The following DACH2 variants were observed in gnomAD, a reference collection of about 807,000 sequenced individuals.
DACH2 encodes the protein dachshund family transcription factor 2.
Under a neutral mutation model 35.8 loss-of-function variants are expected in DACH2, and 17 were observed. The ratio of observed to expected loss-of-function variants is 0.48; its 90% CI spans 0.33 to 0.71. The LOEUF (loss-of-function observed/expected upper bound fraction) is 0.71. Ranked by LOEUF, DACH2 falls within the 30% of genes least tolerant of loss-of-function variation. The pLI is 0.02. For missense variants in DACH2, 469 were observed against 472.7 expected (o/e 0.99, Z 0.07); for synonymous variants, 195 against 177.3 (o/e 1.10, Z -0.79).
chrX:86,651,015 A>G, intron 3 of DACH2, 21 bp from the exon 4 acceptor site: 2 of 1,155,746 alleles, frequency 1.7e-6, no homozygotes, highest in Non-Finnish European at 2.3e-6. Flanking sequence ...AATAAATGGA[A>G]TGGAATAATT....
chrX:86,346,015 G>A (rs181363426), intron 1 of DACH2, among the ~76,000 whole-genome samples: 127 of 112,037 alleles, frequency 1.1e-3, no homozygotes, highest in African/African-American at 4.0e-3. Flanking sequence ...AAGGTAAATT[G>A]GGCTGATGAA....
At chrX:86,622,648 A>C (rs777351773) in intron 3 of DACH2, among the ~76,000 whole-genome samples, 1 of 111,859 alleles carries the variant, frequency 8.9e-6, no homozygotes, top group South Asian at 3.7e-4. Flanking sequence ...TTGATAACAG[A>C]TAGTTGCTCA....
intron 3 of DACH2, among the ~76,000 whole-genome samples, chrX:86,640,951 C>G (rs1259686194): frequency 8.9e-6 from 1 of 112,234 alleles, no homozygotes; most frequent in East Asian, 2.8e-4. Flanking sequence ...AGTCTATTGA[C>G]TGTATTCAAT....
chrX:86,570,566 C>A (rs1010772735), intron 3 of DACH2, among the ~76,000 whole-genome samples: 1 of 110,247 alleles, frequency 9.1e-6, no homozygotes, highest in Non-Finnish European at 1.9e-5. Context: ...GGGAGAGGAA[C>A]AACACACACT....
intron 4 of DACH2, among the ~76,000 whole-genome samples, chrX:86,682,776 G>C (rs1299300389): frequency 9.0e-6 from 1 of 110,877 alleles, no homozygotes; most frequent in African/African-American, 3.3e-5. Context: ...ATCTATACTT[G>C]CTATGTATTG....
chrX:86,652,413 CGT>C (rs1371089760), intron 4 of DACH2, among the ~76,000 whole-genome samples: 1 of 112,114 alleles, frequency 8.9e-6, no homozygotes, highest in Non-Finnish European at 1.9e-5. Flanking sequence ...AACATATGTG[CGT>C]GTGTGTCTTC....
chrX:86,671,092 A>G (rs1266829153), intron 4 of DACH2, among the ~76,000 whole-genome samples: 1 of 112,141 alleles, frequency 8.9e-6, no homozygotes, highest in Non-Finnish European at 1.9e-5. Context: ...ATCACATTTG[A>G]GTGACAAAAA....
At chrX:86,780,068 G>A (rs771992058) in intron 7 of DACH2, among the ~76,000 whole-genome samples, 1 of 109,198 alleles carries the variant, frequency 9.2e-6, no homozygotes, top group African/African-American at 3.3e-5. Context: ...AAGTGATTAA[G>A]CTGAGCCCTC....
At chrX:86,341,759 G>T (rs73631924) in intron 1 of DACH2, among the ~76,000 whole-genome samples, 5,789 of 112,013 alleles carry the variant, frequency 0.052, 376 homozygotes, top group African/African-American at 0.18. Context: ...ACATCAACAG[G>T]AGTTTGGAAA....
chrX:86,596,199 A>G (rs2039709545), intron 3 of DACH2, among the ~76,000 whole-genome samples: 1 of 111,682 alleles, frequency 9.0e-6, no homozygotes, highest in Admixed American at 9.6e-5. Flanking sequence ...TTTTTGTACA[A>G]TTTTTATTTT....
chrX:86,328,174 A>G (rs1327902142), intron 1 of DACH2, among the ~76,000 whole-genome samples: 1 of 111,743 alleles, frequency 8.9e-6, no homozygotes, highest in Non-Finnish European at 1.9e-5. Flanking sequence ...TCTATGCATC[A>G]AGCAGGGTAC....
Position 86,298,128 on chromosome X carries a change from G to T in DACH2, c.489-78696G>T, listed in dbSNP as rs762104571. Among the ~76,000 whole-genome samples the T allele has an allele frequency of 2.7e-5, 3 of 111,545 alleles. No individual in the cohort carries two copies. In the South Asian group the frequency reaches 1.1e-3, roughly 42 times the overall value. The stretch of plus-strand genomic sequence containing the variant: ...GGTTCCTGAGCGCATTGTTTGTATT[G>T]GTTTTGCTTTAGAGCCCTAGAAATG... On this transcript the variant is annotated intron_variant, in intron 1 of 11. Coordinates refer to ENST00000373125, the MANE Select transcript of DACH2 (RefSeq NM_053281.3).
At chrX:86,373,208 C>T (rs1449285318) in intron 1 of DACH2, among the ~76,000 whole-genome samples, 1 of 110,679 alleles carries the variant, frequency 9.0e-6, no homozygotes, top group Non-Finnish European at 1.9e-5. Flanking sequence ...ATTGCTGGGT[C>T]AAATGGTAGT....
chrX:86,765,705 T>G (rs1306795181), intron 7 of DACH2, among the ~76,000 whole-genome samples: 5 of 95,879 alleles, frequency 5.2e-5, no homozygotes, highest in East Asian at 3.3e-4. Context: ...TTGGTTTTTT[T>G]TTTTTTTTTT....
At chrX:86,637,092 T>C (rs2040276921) in intron 3 of DACH2, among the ~76,000 whole-genome samples, 1 of 98,566 alleles carries the variant, frequency 1.0e-5, no homozygotes, top group Non-Finnish European at 2.0e-5. Context: ...AAGACACACA[T>C]GCAAAAGAAG....
chrX:86,337,879 A>G (rs1309837591), intron 1 of DACH2, among the ~76,000 whole-genome samples: 1 of 111,642 alleles, frequency 9.0e-6, no homozygotes, highest in Non-Finnish European at 1.9e-5. Context: ...TTTACCAAGT[A>G]AATGGAAATC....
At position 86,724,913 on chromosome X, in the gene DACH2, CA is replaced by C. The variant is rs2041448116; in HGVS notation, c.1104+10196del. On this transcript the variant is annotated intron_variant, in intron 6 of 11. Coordinates refer to ENST00000373125, the MANE Select transcript of DACH2 (RefSeq NM_053281.3). Reference sequence around the variant, plus strand: ...TTTTTTTGACTGACTGGATTATTTCCAAAGACTGGTCTTCATGTTATGAGAC... The same window carrying C: ...TTTTTTTGACTGACTGGATTATTTCCAAGACTGGTCTTCATGTTATGAGAC... Among the ~76,000 whole-genome samples, 6 of 109,033 alleles carry C rather than the reference CA, an allele frequency of 5.5e-5. No individual in the cohort carries two copies. In the South Asian group the frequency reaches 2.3e-3, roughly 42 times the overall value. The allele number at this position is 109,033 out of a possible 115,157, so 94.7% of individuals were successfully genotyped here.
At chrX:86,285,801 C>A (rs867946601) in intron 1 of DACH2, among the ~76,000 whole-genome samples, 1 of 111,445 alleles carries the variant, frequency 9.0e-6, no homozygotes, top group African/African-American at 3.3e-5. Context: ...TGGGGTCTCA[C>A]CTCTCTTTAG....
chrX:86,249,259 AACAG>A (rs1357987076), intron 1 of DACH2, among the ~76,000 whole-genome samples: 9 of 111,599 alleles, frequency 8.1e-5, no homozygotes, highest in East Asian at 5.6e-4. Context: ...TAACAGAGTA[AACAG>A]ACAGCCCACA....
Sources: gnomAD v4.1 joint callset for allele counts (sites outside exome capture counted in the v4.1 genomes callset) on GRCh38, gnomAD v4.1.1 for gene constraint, MANE v1.5 for transcripts, NCBI Gene and HGNC (gene_info 2026-07-23, HGNC 2026-07-21) for gene names.